The following TENM4 variants were observed in gnomAD, a reference collection of about 807,000 sequenced individuals.
TENM4 encodes the protein teneurin transmembrane protein 4, also known as teneurin-4.
A neutral mutation model predicts 243.3 loss-of-function variants in TENM4; 82 were observed. The ratio of observed to expected loss-of-function variants is 0.34; its 90% CI spans 0.28 to 0.40. The LOEUF (loss-of-function observed/expected upper bound fraction) is 0.40, where lower values mean the gene tolerates loss of function less well. Ranked by LOEUF, TENM4 falls within the 10% of genes least tolerant of loss-of-function variation. The pLI is 1.00. For missense variants in TENM4, 3,138 were observed against 3,673.3 expected (o/e 0.85, Z 3.77); for synonymous variants, 1,412 against 1,456.3 (o/e 0.97, Z 0.69).
intron 4 of TENM4, among the ~76,000 whole-genome samples, chr11:79,104,731 G>T (rs1243356830): frequency 6.6e-6 from 1 of 152,200 alleles, no homozygotes; most frequent in East Asian, 1.9e-4. Context: ...TTATTAGTGG[G>T]TCAAAGAGTA....
chr11:78,856,513 C>T (rs1858685150), intron 10 of TENM4, among the ~76,000 whole-genome samples: 1 of 152,158 alleles, frequency 6.6e-6, no homozygotes, highest in Admixed American at 6.5e-5. Flanking sequence ...TTTGTGGTCA[C>T]ATGAAAATAG....
chr11:79,045,721 G>A (rs112046104), intron 6 of TENM4, among the ~76,000 whole-genome samples: 20 of 39,956 alleles, frequency 5.0e-4, no homozygotes, highest in Non-Finnish European at 1.3e-3. Flanking sequence ...ACTGGATGAC[G>A]CCTTTTTTTT....
chr11:79,069,409 G>A (rs1268995942), intron 5 of TENM4, among the ~76,000 whole-genome samples: 6 of 152,192 alleles, frequency 3.9e-5, no homozygotes, highest in Non-Finnish European at 8.8e-5. Flanking sequence ...TAACAGTTGA[G>A]GACTGAGGCT....
rs1041403434 is a variant in TENM4 at position 79,215,848 on chromosome 11, C to T, written c.-203G>A. 26 of 985,526 alleles carry T rather than the reference C, an allele frequency of 2.6e-5. No individual in the cohort carries two copies. The highest frequency in any genetic ancestry group is 6.2e-5 in the Admixed American group (1 of 16,260). 61.0% of individuals were successfully genotyped at this position (985,526 alleles called of 1,614,324 possible). A position where few individuals can be genotyped will look rare whatever the true frequency, so the allele number is the denominator to read the frequency against. ...CACGTTCTGAAGAGTCAGCAATGTC[C>T]GTGGGCCCTGCAGCCCTCTCTCCAA... is the stretch of plus-strand genomic sequence containing the variant. On this transcript the variant is annotated 5_prime_UTR_variant, in exon 3 of 34. Transcript: ENST00000278550.
At chr11:79,132,218 T>C (rs1325003063) in intron 4 of TENM4, among the ~76,000 whole-genome samples, 3 of 150,160 alleles carry the variant, frequency 2.0e-5, no homozygotes, top group Admixed American at 6.6e-5. Context: ...CGGTGGTGGG[T>C]GCCTGTAGTC....
At chr11:79,000,768 T>G (rs963737514) in intron 6 of TENM4, among the ~76,000 whole-genome samples, 4 of 152,202 alleles carry the variant, frequency 2.6e-5, no homozygotes, top group Non-Finnish European at 4.4e-5. Context: ...CAGCGGCTCA[T>G]GCCTGTAATC....
chr11:78,974,092 T>G (rs1307556156), intron 6 of TENM4, among the ~76,000 whole-genome samples: 2 of 152,146 alleles, frequency 1.3e-5, no homozygotes, highest in African/African-American at 4.8e-5. Context: ...GTTAAAGATG[T>G]GCAAATACTG....
chr11:78,725,390 G>A (rs937157552), intron 23 of TENM4, among the ~76,000 whole-genome samples: 3 of 152,146 alleles, frequency 2.0e-5, no homozygotes, highest in Non-Finnish European at 4.4e-5. Context: ...GTCCCATCCC[G>A]GCTCATGGTC....
intron 2 of TENM4, among the ~76,000 whole-genome samples, chr11:79,276,159 GGA>G: frequency 6.6e-6 from 1 of 152,222 alleles, no homozygotes; most frequent in Non-Finnish European, 1.5e-5. Flanking sequence ...ATACTACCTA[GGA>G]GACTGGACCT....
intron 6 of TENM4, among the ~76,000 whole-genome samples, chr11:78,960,775 T>C (rs942441122): frequency 2.6e-5 from 4 of 152,226 alleles, no homozygotes; most frequent in African/African-American, 9.6e-5. Flanking sequence ...TCGGCTATAA[T>C]GATGTACTCC....
intron 6 of TENM4, among the ~76,000 whole-genome samples, chr11:78,998,673 G>A (rs963415016): frequency 2.0e-5 from 3 of 151,982 alleles, no homozygotes; most frequent in Admixed American, 6.6e-5. Flanking sequence ...AAGTTGCTAT[G>A]AGGATTGGCA....
chr11:78,880,051 G>A (rs1195592020), intron 9 of TENM4, among the ~76,000 whole-genome samples: 5 of 152,130 alleles, frequency 3.3e-5, no homozygotes, highest in Non-Finnish European at 7.4e-5. Flanking sequence ...AGATCAGATT[G>A]TTACTGTGTC....
At chr11:79,058,006 A>G (rs1859984612) in intron 6 of TENM4, among the ~76,000 whole-genome samples, 1 of 152,080 alleles carries the variant, frequency 6.6e-6, no homozygotes, top group Non-Finnish European at 1.5e-5. Flanking sequence ...ATCCTCTAAA[A>G]CATGTACTTC....
chr11:78,704,270 C>G (rs1458553544), intron 27 of TENM4, among the ~76,000 whole-genome samples: 3 of 149,008 alleles, frequency 2.0e-5, no homozygotes, highest in African/African-American at 7.4e-5. Flanking sequence ...CCTACCGTGG[C>G]CTTCCGAAGT....
At chr11:78,837,569 C>T (rs572270750) in intron 12 of TENM4, among the ~76,000 whole-genome samples, 124 of 152,278 alleles carry the variant, frequency 8.1e-4, no homozygotes, top group Middle Eastern at 3.4e-3. Context: ...CCTGACCATA[C>T]CCTGTAAATG....
chr11:78,837,873 T>C (rs1858153661), intron 12 of TENM4, among the ~76,000 whole-genome samples: 1 of 152,222 alleles, frequency 6.6e-6, no homozygotes, highest in Admixed American at 6.5e-5. Context: ...GACATTTGGA[T>C]TGTTTCCAAA....
At chr11:79,196,571 G>A (rs963832249) in intron 3 of TENM4, among the ~76,000 whole-genome samples, 1 of 152,132 alleles carries the variant, frequency 6.6e-6, no homozygotes, top group Non-Finnish European at 1.5e-5. Flanking sequence ...CCCGGCTGGT[G>A]CTGTTGATGG....
At chr11:78,898,950 A>T (rs1361357369) in intron 7 of TENM4, among the ~76,000 whole-genome samples, 2 of 152,198 alleles carry the variant, frequency 1.3e-5, no homozygotes, top group African/African-American at 4.8e-5. Flanking sequence ...AGACATTTTC[A>T]GACATTATCT....
At chr11:78,993,728 T>C (rs923917456) in intron 6 of TENM4, among the ~76,000 whole-genome samples, 5 of 152,344 alleles carry the variant, frequency 3.3e-5, no homozygotes, top group South Asian at 2.1e-4. Flanking sequence ...CATTTCTCTA[T>C]GAAGATGTTC....
Sources: gnomAD v4.1 joint callset for allele counts (sites outside exome capture counted in the v4.1 genomes callset) on GRCh38, gnomAD v4.1.1 for gene constraint, MANE v1.5 for transcripts, NCBI Gene and HGNC (gene_info 2026-07-23, HGNC 2026-07-21) for gene names.